Variants in PSMD5 observed in about 807,000 individuals in gnomAD.
PSMD5 encodes 26S proteasome non-ATPase regulatory subunit 5.
In PSMD5, 40 loss-of-function variants were observed where a neutral mutation model predicts 52.1. That is an observed-to-expected ratio of 0.77 (90% confidence interval 0.60 to 1.00). The LOEUF (loss-of-function observed/expected upper bound fraction) is 1.00. Among genes scored for constraint, PSMD5 ranks in the 50% least tolerant of loss-of-function variants. The pLI, the probability that PSMD5 is intolerant of heterozygous loss-of-function variation, is 0.00. For synonymous variants in PSMD5, 211 were observed against 226.6 expected (o/e 0.93, Z 0.62); for missense variants, 575 against 605.2 (o/e 0.95, Z 0.52).
At chr9:120,821,325 C>A in intron 8 of PSMD5, 30 bp downstream of exon 8, 1 of 1,373,858 alleles carries the variant, frequency 7.3e-7, no homozygotes, top group South Asian at 1.3e-5. Flanking sequence ...ACATATCCCA[C>A]TGTCCTTCAT....
intron 4 of PSMD5, 61 bp downstream of exon 4, chr9:120,831,270 T>C: frequency 6.7e-7 from 1 of 1,493,794 alleles, no homozygotes; most frequent in East Asian, 2.4e-5. Flanking sequence ...ATCTTGCTTT[T>C]CAGCATAAGC....
chr9:120,841,197 G>T (rs940925208), intron 1 of PSMD5, among the ~76,000 whole-genome samples: 1 of 152,224 alleles, frequency 6.6e-6, no homozygotes, highest in African/African-American at 2.4e-5. Flanking sequence ...TTACATGCCT[G>T]TGGGGGTTGG....
intron 4 of PSMD5, among the ~76,000 whole-genome samples, chr9:120,830,536 C>G (rs917863217): frequency 1.3e-5 from 2 of 152,036 alleles, no homozygotes; most frequent in African/African-American, 4.8e-5. Context: ...GGATAATGAG[C>G]CAGGAGGCTG....
chr9:120,841,562 G>A (rs2045237795), intron 1 of PSMD5, among the ~76,000 whole-genome samples: 1 of 152,040 alleles, frequency 6.6e-6, no homozygotes, highest in Non-Finnish European at 1.5e-5. Context: ...CTGGGAGACA[G>A]AGCGAGACTC....
chr9:120,831,663 T>A lies in PSMD5; in HGVS notation c.432+169A>T. 2.6e-6 allele frequency: 3 copies of A among 1,143,260 alleles called. No individual in the cohort carries two copies. The South Asian group carries it at 5.0e-5, about 19-fold the overall frequency. 70.8% of individuals were successfully genotyped at this position (1,143,260 alleles called of 1,614,324 possible). A position where few individuals can be genotyped will look rare whatever the true frequency, so the allele number is the denominator to read the frequency against. On this transcript the variant is annotated intron_variant, in intron 3 of 9. Coordinates refer to ENST00000210313, the MANE Select transcript of PSMD5 (RefSeq NM_005047.4). ...ATCCTAGAAAATGAAAGGGGTTTAC[T>A]AGTATTTACTTGACAACCATTTATT...
In PSMD5 at chr9:120,839,739, G is replaced by GT. The variant is rs929172017; in HGVS notation, c.173+2997dup. Among the ~76,000 whole-genome samples, 25 of 142,784 alleles carry GT rather than the reference G, an allele frequency of 1.8e-4. No individual in the cohort carries two copies. In the South Asian group the frequency reaches 1.8e-3, roughly 10 times the overall value. 93.7% of individuals were successfully genotyped at this position (142,784 alleles called of 152,430 possible). ...TGATCAAATTATCAAATACAAAGTG[G>GT]TTTTTTTTTCCTTTTTTTCCCCAGA... On this transcript the variant is annotated intron_variant, in intron 1 of 9. Transcript: ENST00000210313.
At chr9:120,828,246 C>T (rs184608537) in intron 5 of PSMD5, among the ~76,000 whole-genome samples, 4 of 152,146 alleles carry the variant, frequency 2.6e-5, no homozygotes, top group Admixed American at 6.6e-5. Flanking sequence ...GTAATCCATC[C>T]GCCTCAGCCT....
At chr9:120,824,272 A>G in intron 7 of PSMD5, 1 of 567,426 alleles carries the variant, frequency 1.8e-6, no homozygotes, top group East Asian at 3.1e-5. Flanking sequence ...GTAGAAACCT[A>G]AACCAATGAA....
At chr9:120,822,475 A>G (rs1358944724) in intron 7 of PSMD5, among the ~76,000 whole-genome samples, 1 of 152,244 alleles carries the variant, frequency 6.6e-6, no homozygotes, top group African/African-American at 2.4e-5. Flanking sequence ...AAGCACTTAG[A>G]AAACGACATA....
At chr9:120,818,729 A>C (rs1005706608) in intron 9 of PSMD5, among the ~76,000 whole-genome samples, 15 of 152,028 alleles carry the variant, frequency 9.9e-5, no homozygotes, top group Non-Finnish European at 1.8e-4. Context: ...AACATAGACA[A>C]ATTTTAAAAA....
In PSMD5 at chr9:120,824,598, A is replaced by G. The variant is rs1398306222; in HGVS notation, c.902T>C (p.Phe301Ser). 1.9e-6 allele frequency: 3 copies of G among 1,614,204 alleles called. No individual in the cohort carries two copies. The highest frequency in any genetic ancestry group is 2.5e-6 in the Non-Finnish European group (3 of 1,180,028). Reference protein sequence around the residue: ...ERYPIFVEKVFEMIESQDPTM... With the variant: ...ERYPIFVEKVSEMIESQDPTM... Reference sequence around the variant, plus strand: ...GGGGTCCTGACTTTCTATCATTTCAAAGACTTTTTCCACAAAGATAGGATA... The same window carrying G: ...GGGGTCCTGACTTTCTATCATTTCAGAGACTTTTTCCACAAAGATAGGATA... Residue 301 changes from phenylalanine (F) to serine (S), a missense_variant, in exon 7 of 10, where the codon TTT becomes TCT. Coordinates refer to ENST00000210313, the MANE Select transcript of PSMD5 (RefSeq NM_005047.4).
At chr9:120,824,310 A>C (rs1315290663) in intron 7 of PSMD5, 184 bp downstream of exon 7, 1 of 654,548 alleles carries the variant, frequency 1.5e-6, no homozygotes, top group South Asian at 1.8e-5. Context: ...AGTCAAAAAA[A>C]AAAAAAAAAA....
chr9:120,822,399 T>C (rs10985046), intron 7 of PSMD5, among the ~76,000 whole-genome samples: 18,254 of 152,232 alleles, frequency 0.12, 1,273 homozygotes, highest in Middle Eastern at 0.17. Context: ...TTCATCTACC[T>C]TATCTGGAAA....
At chr9:120,833,250 T>C in intron 2 of PSMD5, 62 bp downstream of exon 2, 1 of 1,530,340 alleles carries the variant, frequency 6.5e-7, no homozygotes, top group Non-Finnish European at 9.0e-7. Flanking sequence ...CATCTTTCTG[T>C]CCCAGTGCAG....
chr9:120,842,770 C>A lies in PSMD5; in HGVS notation c.140G>T (p.Gly47Val). ...LRQQAAELRL[G>V]PLFSLLNENH... ...CTCGTTAAGCAGGGAGAAGAGCGGG[C>A]CGAGGCGCAGCTCCGCCGCTTGCTG... is the stretch of plus-strand genomic sequence containing the variant. Residue 47 changes from glycine to valine, a missense_variant, in exon 1 of 10, where the codon GGC becomes GTC. Gly to Val is a moderately radical substitution (Grantham distance 109). Transcript: ENST00000210313. 1.2e-6 allele frequency: 2 copies of A among 1,613,210 alleles called. No homozygotes were observed. Among genetic ancestry groups the A allele is most frequent in the East Asian group, 2.2e-5 (1 of 44,882 alleles).
chr9:120,824,491 A>C lies in PSMD5; in HGVS notation c.1006+3T>G, dbSNP rs1353093705. On this transcript the variant is annotated splice_donor_region_variant and intron_variant, in intron 7 of 9. Coordinates refer to ENST00000210313, the MANE Select transcript of PSMD5 (RefSeq NM_005047.4). The stretch of plus-strand genomic sequence containing the variant: ...TCCCTGAACAGGGCCAAGTCATACC[A>C]ACCTGTTTTCTGTAAAACCTGTTTT... 4 of 1,613,920 alleles carry C rather than the reference A, an allele frequency of 2.5e-6. No homozygotes were observed. The highest frequency in any genetic ancestry group is 3.3e-5 in the Admixed American group (2 of 60,008).
chr9:120,831,440 C>T lies in PSMD5; in HGVS notation c.452G>A (p.Arg151Lys). ...VAKAAIKSLSRISLTQAGLEA... is the reference protein window; with the variant it reads ...VAKAAIKSLSKISLTQAGLEA... ...CAGTCCAGCTTGGGTTAGTGATATT[C>T]TTGACAGGGATTTGATAGCCTTATA... The change falls in exon 4 of 10, where the codon AGA becomes AAA. Residue 151 changes from arginine to lysine, a missense_variant. Transcript: ENST00000210313. The T allele has an allele frequency of 6.2e-7, 1 of 1,608,514 alleles. No homozygotes were observed. Among genetic ancestry groups the T allele is most frequent in the South Asian group, 1.1e-5 (1 of 89,898 alleles).
Position 120,826,753 on chromosome 9 carries a change from A to G in PSMD5, c.814+12T>C. On this transcript the variant is annotated intron_variant, in intron 6 of 9. Transcript: ENST00000210313. ...ACGCACCATCATTTCCATAGGCATC[A>G]GTGTTCCTTACCTGGCAGATAGAAG... The G allele has an allele frequency of 1.9e-6, 3 of 1,612,506 alleles. No homozygotes were observed. Among genetic ancestry groups the G allele is most frequent in the Middle Eastern group, 1.7e-4 (1 of 6,052 alleles).
At chr9:120,830,456 A>G (rs974887499) in intron 4 of PSMD5, among the ~76,000 whole-genome samples, 6 of 152,216 alleles carry the variant, frequency 3.9e-5, no homozygotes, top group African/African-American at 1.4e-4. Flanking sequence ...CCTAGGAATG[A>G]GTAGAGTACC....
Sources: gnomAD v4.1 joint callset for allele counts (sites outside exome capture counted in the v4.1 genomes callset) on GRCh38, gnomAD v4.1.1 for gene constraint, MANE v1.5 for transcripts, NCBI Gene and HGNC (gene_info 2026-07-23, HGNC 2026-07-21) for gene names.